The following PGR variants were observed in gnomAD, a reference collection of about 807,000 sequenced individuals.
PGR encodes progesterone receptor.
PGR carries 25 observed loss-of-function variants against 76.1 expected under a neutral mutation model. That is an observed-to-expected ratio of 0.33 (90% CI 0.24 to 0.46). PGR has a LOEUF of 0.46. Among genes scored for constraint, PGR ranks in the 20% least tolerant of loss-of-function variants. The probability of loss-of-function intolerance (pLI) is 1.00; values close to 1 mark genes in which losing one functional copy is unlikely to be tolerated. For missense variants in PGR, 1,172 were observed against 1,225.3 expected (o/e 0.96, Z 0.65); for synonymous variants, 579 against 535.0 (o/e 1.08, Z -1.14).
At chr11:101,103,582 A>G (rs1351589215) in intron 2 of PGR, among the ~76,000 whole-genome samples, 1 of 152,180 alleles carries the variant, frequency 6.6e-6, no homozygotes, top group Non-Finnish European at 1.5e-5. Context: ...CACATATATA[A>G]GAATATATGT....
chr11:101,085,486 G>T (rs1861461776), intron 3 of PGR, among the ~76,000 whole-genome samples: 1 of 85,542 alleles, frequency 1.2e-5, no homozygotes, highest in African/African-American at 4.5e-5. Context: ...AAGTTAGAAA[G>T]ATCTCAAATT....
chr11:101,107,139 C>G (rs1591420851), intron 2 of PGR, among the ~76,000 whole-genome samples: 1 of 152,112 alleles, frequency 6.6e-6, no homozygotes, highest in African/African-American at 2.4e-5. Context: ...TGCAGCAAAC[C>G]ACCATGGCAC....
rs1478074070 is a variant in PGR at position 101,127,552 on chromosome 11, C to G, written c.1519G>C (p.Ala507Pro). Residue 507 changes from alanine to proline, a missense_variant, in exon 1 of 8, where the codon GCG (alanine) becomes CCG (proline). Ala to Pro is a conservative substitution (Grantham distance 27). This residue lies in a region of PGR where 893 missense variants were observed against 785.9 expected (regional missense o/e 1.14). Coordinates refer to ENST00000325455, the MANE Select transcript of PGR (RefSeq NM_000926.4). Reference protein sequence around the residue: ...STSASAAAAGAAPALYPALGL... With the variant: ...STSASAAAAGPAPALYPALGL... ...AGTGCAGGGTAGAGCGCGGGGGCCGCCCCGGCGGCGGCGGCAGAGGCGGAG... is the reference window on the plus strand; with the variant it reads ...AGTGCAGGGTAGAGCGCGGGGGCCGGCCCGGCGGCGGCGGCAGAGGCGGAG... The G allele has an allele frequency of 1.4e-6, 2 of 1,395,138 alleles. No individual in the cohort carries two copies. The highest frequency in any genetic ancestry group is 3.0e-5 in the African/African-American group (2 of 67,258). The allele number at this position is 1,395,138 out of a possible 1,614,324, so 86.4% of individuals were successfully genotyped here.
chr11:101,090,805 T>C (rs1359891212), intron 3 of PGR, among the ~76,000 whole-genome samples: 1 of 152,182 alleles, frequency 6.6e-6, no homozygotes, highest in Non-Finnish European at 1.5e-5. Flanking sequence ...GTATGTTACC[T>C]GGGTGATTAA....
chr11:101,035,106 G>T lies in PGR; in HGVS notation c.*4010C>A, dbSNP rs951624419. ...ATGTAGAAATTTCCCACATCCAATGGCTATTGAACAGGCATACTTTGGGAA... is the reference window on the plus strand; with the variant it reads ...ATGTAGAAATTTCCCACATCCAATGTCTATTGAACAGGCATACTTTGGGAA... On this transcript the variant is annotated 3_prime_UTR_variant, in exon 8 of 8. Transcript: ENST00000325455. The T allele has an allele frequency of 4.8e-6, 1 of 208,866 alleles. No homozygotes were observed. The highest frequency in any genetic ancestry group is 5.9e-5 in the Admixed American group (1 of 16,918). 12.9% of individuals were successfully genotyped at this position (208,866 alleles called of 1,614,324 possible).
chr11:101,128,433 G>T lies in PGR; in HGVS notation c.638C>A (p.Ser213Tyr). 6.2e-7 allele frequency: 1 copy of T among 1,610,700 alleles called. No homozygotes were observed. ...PHWSGAPVKP[S>Y]PQAAAVEVEE... ...AACCTCCACCGCAGCGGCCTGCGGA[G>T]ACGGCTTCACTGGGGCCCCGGACCA... The change falls in exon 1 of 8, where the codon TCT becomes TAT. Residue 213 changes from serine to tyrosine, a missense_variant. By Grantham distance (144) the Ser-to-Tyr change is moderately radical (BLOSUM62 -2). Coordinates refer to ENST00000325455, the MANE Select transcript of PGR (RefSeq NM_000926.4).
intron 6 of PGR, among the ~76,000 whole-genome samples, chr11:101,046,906 A>G (rs1403728770): frequency 6.6e-6 from 1 of 152,050 alleles, no homozygotes; most frequent in Non-Finnish European, 1.5e-5. Flanking sequence ...CAGCTTTCTA[A>G]TTCCCTGCAT....
intron 3 of PGR, among the ~76,000 whole-genome samples, chr11:101,079,238 C>A (rs1861225164): frequency 6.6e-6 from 1 of 152,032 alleles, no homozygotes; most frequent in Non-Finnish European, 1.5e-5. Flanking sequence ...TGTAGTAAGA[C>A]CTCAAGGCAT....
intron 2 of PGR, among the ~76,000 whole-genome samples, chr11:101,122,324 A>C (rs749497746): frequency 4.6e-5 from 7 of 152,208 alleles, no homozygotes; most frequent in Non-Finnish European, 1.0e-4. Flanking sequence ...AAAGCATCCA[A>C]AAAATAAAAG....
chr11:101,127,637 C>A lies in PGR; in HGVS notation c.1434G>T (p.Pro478=), dbSNP rs746770732. The A allele has an allele frequency of 3.2e-5, 45 of 1,393,774 alleles. No homozygotes were observed. The highest frequency in any genetic ancestry group is 2.0e-4 in the Middle Eastern group (1 of 5,030). 86.3% of individuals were successfully genotyped at this position (1,393,774 alleles called of 1,614,324 possible). Residue 478 remains proline (P), a synonymous_variant, in exon 1 of 8, where the codon CCG becomes CCT. Transcript: ENST00000325455. The part of the protein sequence containing the change: ...APPQQGPFAP[P]PCKAPGASGC... ...CGCTCGCGCCCGGCGCCTTGCAGGGCGGCGGCGCGAACGGGCCCTGCTGGG... is the reference window on the plus strand; with the variant it reads ...CGCTCGCGCCCGGCGCCTTGCAGGGAGGCGGCGCGAACGGGCCCTGCTGGG...
Position 101,128,274 on chromosome 11 carries a change from G to A in PGR, c.797C>T (p.Ala266Val). The A allele has an allele frequency of 6.3e-7, 1 of 1,591,762 alleles. No individual in the cohort carries two copies. Among genetic ancestry groups the A allele is most frequent in the African/African-American group, 1.3e-5 (1 of 74,822 alleles). The change falls in exon 1 of 8, where the codon GCC becomes GTC. Residue 266 changes from alanine (A) to valine (V), a missense_variant. Ala to Val is a moderately conservative substitution (Grantham distance 64). This residue lies in a region of PGR where 893 missense variants were observed against 785.9 expected (regional missense o/e 1.14). Coordinates refer to ENST00000325455, the MANE Select transcript of PGR (RefSeq NM_000926.4). ...GCGGGAATCTTCCTTGGGGACCAGGGCGACGCCTCCTGCTGCCGCCCCCGG... is the reference window on the plus strand; with the variant it reads ...GCGGGAATCTTCCTTGGGGACCAGGACGACGCCTCCTGCTGCCGCCCCCGG... The part of the protein sequence containing the change: ...VPPGAAAGGV[A>V]LVPKEDSRFS...
chr11:101,085,648 C>T (rs893113171), intron 3 of PGR, among the ~76,000 whole-genome samples: 3 of 145,602 alleles, frequency 2.1e-5, no homozygotes, highest in Admixed American at 6.8e-5. Flanking sequence ...AAAGAATCAA[C>T]AAAACCAAAA....
At chr11:101,099,666 T>A (rs1861937753) in intron 2 of PGR, among the ~76,000 whole-genome samples, 1 of 152,186 alleles carries the variant, frequency 6.6e-6, no homozygotes, top group South Asian at 2.1e-4. Context: ...CACGGTCATG[T>A]CCAGAGAGAA....
chr11:101,092,497 A>G (rs1042012977), intron 2 of PGR, among the ~76,000 whole-genome samples: 1 of 152,228 alleles, frequency 6.6e-6, no homozygotes, highest in African/African-American at 2.4e-5. Context: ...ATGATAAAGG[A>G]AGAACTTAAA....
At chr11:101,118,379 A>G (rs1384562334) in intron 2 of PGR, among the ~76,000 whole-genome samples, 1 of 152,220 alleles carries the variant, frequency 6.6e-6, no homozygotes, top group Non-Finnish European at 1.5e-5. Flanking sequence ...ATGCTACAGC[A>G]CTGTTTTGAG....
At position 101,036,310 on chromosome 11, in the gene PGR, C is replaced by T. The variant is rs1358066338; in HGVS notation, c.*2806G>A. The T allele has an allele frequency of 4.6e-6, 1 of 215,448 alleles. No homozygotes were observed. The highest frequency in any genetic ancestry group is 9.3e-6 in the Non-Finnish European group (1 of 107,052). 13.3% of individuals were successfully genotyped at this position (215,448 alleles called of 1,614,324 possible). On this transcript the variant is annotated 3_prime_UTR_variant, in exon 8 of 8. Transcript: ENST00000325455. ...TATTAAAAAGTGCCACATCTTTAAA[C>T]ATTAAACACACACACAATTGTCACA... is the stretch of plus-strand genomic sequence containing the variant.
chr11:101,120,563 A>G (rs1862641933), intron 2 of PGR, among the ~76,000 whole-genome samples: 1 of 152,266 alleles, frequency 6.6e-6, no homozygotes, highest in East Asian at 1.9e-4. Context: ...TTGGAACTAC[A>G]TATATGAACA....
At chr11:101,116,016 G>A (rs993597321) in intron 2 of PGR, among the ~76,000 whole-genome samples, 3 of 152,180 alleles carry the variant, frequency 2.0e-5, no homozygotes, top group Non-Finnish European at 4.4e-5. Context: ...CAAAATGTAC[G>A]AATATTTACA....
intron 2 of PGR, among the ~76,000 whole-genome samples, chr11:101,125,359 AC>A (rs1178298721): frequency 2.6e-5 from 4 of 152,202 alleles, no homozygotes; most frequent in African/African-American, 9.6e-5. Context: ...AAAGCAAAAT[AC>A]TTCTTTAGAA....
Sources: allele counts gnomAD v4.1 joint callset (sites outside exome capture counted in the v4.1 genomes callset), GRCh38; gene constraint gnomAD v4.1.1; regional missense constraint gnomAD v4.1.1; transcripts MANE v1.5; gene names NCBI Gene and HGNC (gene_info 2026-07-23, HGNC 2026-07-21).